SPATA32: variants seen among roughly 807,000 people sequenced by gnomAD.
SPATA32 encodes spermatogenesis-associated protein 32.
Under a neutral mutation model 35.4 loss-of-function variants are expected in SPATA32, and 28 were observed. The ratio of observed to expected loss-of-function variants is 0.79; its 90% CI spans 0.59 to 1.09. SPATA32 has a LOEUF of 1.09. SPATA32 is among the 50% of genes least tolerant of loss of function. The pLI is 0.00. For synonymous variants in SPATA32, 168 were observed against 196.3 expected, an observed-to-expected ratio of 0.86 and a Z score of 1.20; for missense variants, 409 against 475.9, an observed-to-expected ratio of 0.86 and a Z score of 1.31.
rs1480524034 is a variant in SPATA32 at position 45,257,029 on chromosome 17, G to A, written c.68+124C>T. 3.6e-5 allele frequency: 40 copies of A among 1,108,740 alleles called. No homozygotes were observed. The East Asian group carries it at 7.2e-4, about 20-fold the overall frequency. 68.7% of individuals were successfully genotyped at this position (1,108,740 alleles called of 1,614,324 possible). ...GCCTTTTGGCCTGGACACTGGCCCC[G>A]GGGAGGTTTTGGAAATGGCAGAAGG... is the stretch of plus-strand genomic sequence containing the variant. On this transcript the variant is annotated intron_variant, in intron 2 of 4. Transcript: ENST00000331780.
At position 45,255,316 on chromosome 17, in the gene SPATA32, G is replaced by A; in HGVS notation, c.866C>T (p.Pro289Leu). ...TGGCAGGGTCTCTGCGTGATTTTCTGGCTCTCGCTCCTCCACAGTGGTCAG... is the reference window on the plus strand; with the variant it reads ...TGGCAGGGTCTCTGCGTGATTTTCTAGCTCTCGCTCCTCCACAGTGGTCAG... ...PLLTTVEERE[P>L]ENHAETLPEK... Residue 289 changes from proline (P) to leucine (L), a missense_variant, in exon 4 of 5, where the codon CCA becomes CTA. Coordinates refer to ENST00000331780, the MANE Select transcript of SPATA32 (RefSeq NM_152343.3). This position sits in a 1 kb window ranked among gnomAD's most constrained non-coding sequence, Gnocchi z 5.4. The A allele has an allele frequency of 3.7e-6, 6 of 1,614,182 alleles. No individual in the cohort carries two copies. In the South Asian group the frequency reaches 5.5e-5, roughly 15 times the overall value.
chr17:45,256,438 G>A lies in SPATA32; in HGVS notation c.69-23C>T, dbSNP rs371434183. ...TCTCTAAGACAGAAGAAGACAGAGT[G>A]GGTGATGGGGATCTGTGGGGCTTCA... is the stretch of plus-strand genomic sequence containing the variant. On this transcript the variant is annotated intron_variant, in intron 2 of 4. Transcript: ENST00000331780. This position sits in a 1 kb window ranked among gnomAD's most constrained non-coding sequence, Gnocchi z 4.7. The A allele has an allele frequency of 1.7e-5, 28 of 1,605,722 alleles. No individual in the cohort carries two copies. Among genetic ancestry groups the A allele is most frequent in the Non-Finnish European group, 2.4e-5 (28 of 1,172,290 alleles).
intron 4 of SPATA32, 89 bp from the exon 5 acceptor site, chr17:45,254,602 T>A (rs2043938200): frequency 1.7e-6 from 2 of 1,186,282 alleles, no homozygotes. Context: ...AAGAGGTCGC[T>A]GGGGGTAAGG....
intron 1 of SPATA32, among the ~76,000 whole-genome samples, chr17:45,260,251 A>T (rs1333546263): frequency 6.6e-6 from 1 of 151,966 alleles, no homozygotes; most frequent in Non-Finnish European, 1.5e-5. Context: ...TCTTACCTCA[A>T]ATTCATATCT....
Position 45,257,227 on chromosome 17 carries a change from G to C in SPATA32, c.14-20C>G. 6.2e-7 allele frequency: 1 copy of C among 1,601,274 alleles called. No individual in the cohort carries two copies. The highest frequency in any genetic ancestry group is 8.5e-7 in the Non-Finnish European group (1 of 1,173,756). ...GGGCACCTGACAGGGGAAAGGAGGT[G>C]AGGGCAGGGAGCTGCAGGGTAGAGG... is the stretch of plus-strand genomic sequence containing the variant. On this transcript the variant is annotated intron_variant, in intron 1 of 4. Transcript: ENST00000331780.
Position 45,256,261 on chromosome 17 carries a change from C to T in SPATA32, c.108+115G>A. The stretch of plus-strand genomic sequence containing the variant: ...GGGGGTGTGTGTGTGGGTGTACCCA[C>T]ACCGGCCTGGTACTAGGGTCCCAGG... On this transcript the variant is annotated intron_variant, in intron 3 of 4. Coordinates refer to ENST00000331780, the MANE Select transcript of SPATA32 (RefSeq NM_152343.3). This position sits in a 1 kb window ranked among gnomAD's most constrained non-coding sequence, Gnocchi z 4.7. 7.9e-7 allele frequency: 1 copy of T among 1,269,692 alleles called. No individual in the cohort carries two copies. The allele number at this position is 1,269,692 out of a possible 1,614,324, so 78.7% of individuals were successfully genotyped here.
chr17:45,255,488 G>T lies in SPATA32; in HGVS notation c.694C>A (p.Leu232Ile), dbSNP rs772027527. The T allele has an allele frequency of 1.9e-6, 3 of 1,614,172 alleles. No homozygotes were observed. Among genetic ancestry groups the T allele is most frequent in the Non-Finnish European group, 2.5e-6 (3 of 1,180,024 alleles). ...TCTGTCAGGTCAATGGGTGGCGGGAGATCTGAGGACAGGAGGGGGCTTGGT... is the reference window on the plus strand; with the variant it reads ...TCTGTCAGGTCAATGGGTGGCGGGATATCTGAGGACAGGAGGGGGCTTGGT... ...QAPSPLLSSD[L>I]PPPIDLTELI... The change falls in exon 4 of 5, where the codon CTC becomes ATC. Residue 232 changes from leucine (L) to isoleucine (I), a missense_variant. Transcript: ENST00000331780. The surrounding 1 kb of genome is among the most constrained non-coding windows in gnomAD (Gnocchi z 5.4).
At position 45,256,427 on chromosome 17, in the gene SPATA32, G is replaced by T; in HGVS notation, c.69-12C>A. On this transcript the variant is annotated splice_polypyrimidine_tract_variant and intron_variant, in intron 2 of 4. Transcript: ENST00000331780. This position sits in a 1 kb window ranked among gnomAD's most constrained non-coding sequence, Gnocchi z 4.7. ...GACTTAAGTCATCTCTAAGACAGAAGAAGACAGAGTGGGTGATGGGGATCT... is the reference window on the plus strand; with the variant it reads ...GACTTAAGTCATCTCTAAGACAGAATAAGACAGAGTGGGTGATGGGGATCT... The T allele has an allele frequency of 3.2e-6, 5 of 1,556,858 alleles. No individual in the cohort carries two copies. The highest frequency in any genetic ancestry group is 3.5e-6 in the Non-Finnish European group (4 of 1,132,374).
chr17:45,259,564 G>A (rs1008027797), intron 1 of SPATA32, among the ~76,000 whole-genome samples: 1 of 151,968 alleles, frequency 6.6e-6, no homozygotes, highest in African/African-American at 2.4e-5. Flanking sequence ...GTCTCACTCT[G>A]TTGCCCAGGC....
rs763750573 is a variant in SPATA32, at chr17:45,256,107, G to A, written c.109-34C>T. ...TTTCAACTCAAAGCTGAGGAGGCAG[G>A]AGCGGGAGGTCCTGCCCCTGAGGCC... On this transcript the variant is annotated intron_variant, in intron 3 of 4. Transcript: ENST00000331780. The surrounding 1 kb of genome is among the most constrained non-coding windows in gnomAD (Gnocchi z 4.7). The A allele has an allele frequency of 2.6e-6, 4 of 1,568,132 alleles. No individual in the cohort carries two copies. The highest frequency in any genetic ancestry group is 3.5e-6 in the Non-Finnish European group (4 of 1,155,548).
chr17:45,255,997 G>C lies in SPATA32; in HGVS notation c.185C>G (p.Pro62Arg). 1.2e-6 allele frequency: 2 copies of C among 1,613,650 alleles called. No homozygotes were observed. The highest frequency in any genetic ancestry group is 1.7e-6 in the Non-Finnish European group (2 of 1,179,862). Residue 62 changes from proline (P) to arginine (R), a missense_variant, in exon 4 of 5, where the codon CCA becomes CGA. Pro to Arg is a moderately radical substitution (Grantham distance 103). Transcript: ENST00000331780. The surrounding 1 kb of genome is among the most constrained non-coding windows in gnomAD (Gnocchi z 5.4). Reference sequence around the variant, plus strand: ...CGGCACCTGTCCGATCTCCAGTTCTGGGTCTGGGTCTGGGTCTGGGTCCAG... The same window carrying C: ...CGGCACCTGTCCGATCTCCAGTTCTCGGTCTGGGTCTGGGTCTGGGTCCAG... ...LDLDPDPDPDPELEIGQVPAL... is the reference protein window; with the variant it reads ...LDLDPDPDPDRELEIGQVPAL...
chr17:45,256,062 GTCTGCCTCCAGC>G lies in SPATA32; in HGVS notation c.109-1_119del. 2 of 1,601,292 alleles carry G rather than the reference GTCTGCCTCCAGC, an allele frequency of 1.2e-6. No homozygotes were observed. The highest frequency in any genetic ancestry group is 1.7e-6 in the Non-Finnish European group (2 of 1,173,400). On this transcript the variant is annotated splice_acceptor_variant and coding_sequence_variant, in exon 4 of 5. Coordinates refer to ENST00000331780, the MANE Select transcript of SPATA32 (RefSeq NM_152343.3). LOFTEE classifies it high-confidence loss of function. This position sits in a 1 kb window ranked among gnomAD's most constrained non-coding sequence, Gnocchi z 4.7. ...GGAGTTGGGGCTTCTGCTCTAGCAT[GTCTGCCTCCAGC>G]TGAAATGTTTCAACTCAAAGCTGAG...
At position 45,256,741 on chromosome 17, in the gene SPATA32, C is replaced by T. The variant is rs541401519; in HGVS notation, c.69-326G>A. Reference sequence around the variant, plus strand: ...GCACTGCAGGTGAGCTGGGGCAACTCACTTCGAGGATTAGTGCCCAGAACA... The same window carrying T: ...GCACTGCAGGTGAGCTGGGGCAACTTACTTCGAGGATTAGTGCCCAGAACA... On this transcript the variant is annotated intron_variant, in intron 2 of 4. Coordinates refer to ENST00000331780, the MANE Select transcript of SPATA32 (RefSeq NM_152343.3). This position sits in a 1 kb window ranked among gnomAD's most constrained non-coding sequence, Gnocchi z 4.7. Among the ~76,000 whole-genome samples, 22 of 152,256 alleles carry T rather than the reference C, an allele frequency of 1.4e-4. No homozygotes were observed. Among genetic ancestry groups the T allele is most frequent in the Admixed American group, 1.1e-3 (17 of 15,302 alleles).
rs763944563 is a variant in SPATA32 at position 45,256,376 on chromosome 17, C to T, written c.108G>A (p.Glu36=). 6.8e-6 allele frequency: 11 copies of T among 1,612,482 alleles called. No individual in the cohort carries two copies. Among genetic ancestry groups the T allele is most frequent in the Non-Finnish European group, 9.3e-6 (11 of 1,178,734 alleles). ...LSQHQIQEEQ[E]LEADMLEQKP... ...CGTAAGAGGACACTCCCATTTTTAC[C>T]TCCTGTTCCTCTTGTATCTGGTGTT... Residue 36 remains glutamate, a splice_region_variant and synonymous_variant, in exon 3 of 5, where the codon GAG becomes GAA. Transcript: ENST00000331780. This position sits in a 1 kb window ranked among gnomAD's most constrained non-coding sequence, Gnocchi z 4.7.
intron 1 of SPATA32, among the ~76,000 whole-genome samples, chr17:45,257,919 T>C (rs1737578643): frequency 6.6e-6 from 1 of 152,194 alleles, no homozygotes; most frequent in African/African-American, 2.4e-5. Context: ...TGGAGGCTTG[T>C]ATCTTTTACT....
Position 45,257,222 on chromosome 17 carries a change from G to A in SPATA32, c.14-15C>T. ...TCCATGGGCACCTGACAGGGGAAAGGAGGTGAGGGCAGGGAGCTGCAGGGT... is the reference window on the plus strand; with the variant it reads ...TCCATGGGCACCTGACAGGGGAAAGAAGGTGAGGGCAGGGAGCTGCAGGGT... On this transcript the variant is annotated splice_polypyrimidine_tract_variant and intron_variant, in intron 1 of 4. Coordinates refer to ENST00000331780, the MANE Select transcript of SPATA32 (RefSeq NM_152343.3). The A allele has an allele frequency of 1.2e-6, 2 of 1,606,066 alleles. No individual in the cohort carries two copies.
In SPATA32 at chr17:45,255,805, G is replaced by A. The variant is rs755969510; in HGVS notation, c.377C>T (p.Pro126Leu). ...MGLPTPQTFR[P>L]WSLNSNCRSF... is the part of the protein sequence containing the mutation. Reference sequence around the variant, plus strand: ...CCGGCAGTTTGAATTCAGACTCCACGGTCTGAAGGTCTGTGGCGTGGGCAG... The same window carrying A: ...CCGGCAGTTTGAATTCAGACTCCACAGTCTGAAGGTCTGTGGCGTGGGCAG... The change falls in exon 4 of 5, where the codon CCG becomes CTG. Residue 126 changes from proline to leucine, a missense_variant. Coordinates refer to ENST00000331780, the MANE Select transcript of SPATA32 (RefSeq NM_152343.3). The surrounding 1 kb of genome is among the most constrained non-coding windows in gnomAD (Gnocchi z 5.4). 1.1e-5 allele frequency: 18 copies of A among 1,614,026 alleles called. No individual in the cohort carries two copies. Among genetic ancestry groups the A allele is most frequent in the South Asian group, 7.7e-5 (7 of 91,080 alleles).
chr17:45,261,825 CA>C (rs1298085641), intron 1 of SPATA32, 178 bp downstream of exon 1: 2 of 583,210 alleles, frequency 3.4e-6, no homozygotes, highest in African/African-American at 3.8e-5. Context: ...GAGCCGTAGT[CA>C]GGGGCACCGG....
chr17:45,254,568 G>C (rs1358155773), intron 4 of SPATA32, 55 bp from the exon 5 acceptor site: 5 of 1,567,554 alleles, frequency 3.2e-6, no homozygotes, highest in Non-Finnish European at 3.5e-6. Flanking sequence ...TTGAAGGAGA[G>C]GGGTGAGCCC....
Sources: allele counts gnomAD v4.1 joint callset (sites outside exome capture counted in the v4.1 genomes callset), GRCh38; gene constraint gnomAD v4.1.1; non-coding constraint Gnocchi (gnomAD v3.1); transcripts MANE v1.5; gene names NCBI Gene and HGNC (gene_info 2026-07-23, HGNC 2026-07-21).